STAMBP: variants seen among roughly 807,000 people sequenced by gnomAD.
STAMBP encodes the protein STAM-binding protein.
STAMBP carries 31 observed loss-of-function variants against 50.7 expected under a neutral mutation model. That is an observed-to-expected ratio of 0.61 (90% CI 0.46 to 0.83). The LOEUF (loss-of-function observed/expected upper bound fraction) is 0.83, where lower values mean the gene tolerates loss of function less well. Ranked by LOEUF, STAMBP falls within the 40% of genes least tolerant of loss-of-function variation. The pLI is 0.00. For synonymous variants in STAMBP, 211 were observed against 192.4 expected, an observed-to-expected ratio of 1.10 and a Z score of -0.80; for missense variants, 472 against 518.9, an observed-to-expected ratio of 0.91 and a Z score of 0.88.
At chr2:73,831,763 T>A (rs1488980444) in intron 2 of STAMBP, among the ~76,000 whole-genome samples, 5 of 152,154 alleles carry the variant, frequency 3.3e-5, no homozygotes, top group African/African-American at 1.2e-4. Flanking sequence ...ATGTATTTGG[T>A]TCTGAGTAGC....
chr2:73,836,930 C>T (rs555271418), intron 2 of STAMBP, among the ~76,000 whole-genome samples: 95 of 152,270 alleles, frequency 6.2e-4, no homozygotes, highest in African/African-American at 2.1e-3. Context: ...CTGAGGCATG[C>T]AGAGAAGGGC....
chr2:73,843,104 A>G (rs967957328), intron 2 of STAMBP, among the ~76,000 whole-genome samples: 1 of 152,024 alleles, frequency 6.6e-6, no homozygotes, highest in Non-Finnish European at 1.5e-5. Context: ...TATTTATCTT[A>G]ATAGATTCTT....
At chr2:73,830,658 G>A (rs1037226846) in intron 1 of STAMBP, among the ~76,000 whole-genome samples, 187 bp from the exon 2 acceptor site, 2 of 152,242 alleles carry the variant, frequency 1.3e-5, no homozygotes, top group Non-Finnish European at 1.5e-5. Flanking sequence ...TACTCTCATC[G>A]TTGTGATTTG....
At chr2:73,854,204 A>T (rs956075772) in intron 7 of STAMBP, among the ~76,000 whole-genome samples, 16 of 152,182 alleles carry the variant, frequency 1.1e-4, no homozygotes, top group Admixed American at 1.0e-3. Context: ...ATCCAGAGAG[A>T]TTTTTGAAAT....
chr2:73,830,913 C>T lies in STAMBP; in HGVS notation c.57C>T (p.Ser19=). 1 of 1,614,012 alleles carries T rather than the reference C, an allele frequency of 6.2e-7. No homozygotes were observed. The highest frequency in any genetic ancestry group is 1.7e-4 in the Middle Eastern group (1 of 5,926). The stretch of plus-strand genomic sequence containing the variant: ...CCGAAGACCGGGTGAGGGCTCTCTC[C>T]CAGCTGGGTAGTGCGGTAGAGGTGA... ...LPPEDRVRAL[S]QLGSAVEVNE... Residue 19 remains serine (S), a synonymous_variant, in exon 2 of 10, where the codon TCC becomes TCT. Transcript: ENST00000394070.
downstream of STAMBP, chr2:73,870,053 A>G (rs760430493): frequency 6.6e-6 from 1 of 152,218 alleles, no homozygotes; most frequent in Admixed American, 6.5e-5. Flanking sequence ...TTTTTCCCCC[A>G]TATCCTTTTT....
At chr2:73,831,291 T>G (rs1480185869) in intron 2 of STAMBP, among the ~76,000 whole-genome samples, 3 of 152,266 alleles carry the variant, frequency 2.0e-5, no homozygotes, top group Non-Finnish European at 2.9e-5. Flanking sequence ...TATGCCCACA[T>G]AGCCCAGCTG....
chr2:73,833,773 T>C (rs938143996), intron 2 of STAMBP, among the ~76,000 whole-genome samples: 4 of 152,132 alleles, frequency 2.6e-5, no homozygotes, highest in Non-Finnish European at 5.9e-5. Flanking sequence ...CTGCACTAGG[T>C]CCTGAACAGC....
chr2:73,833,393 A>C (rs550820727), intron 2 of STAMBP, among the ~76,000 whole-genome samples: 12 of 152,158 alleles, frequency 7.9e-5, no homozygotes, highest in African/African-American at 2.7e-4. Flanking sequence ...CAATGTTGTT[A>C]AGGTTTCATA....
chr2:73,841,422 A>T (rs938741476), intron 2 of STAMBP, among the ~76,000 whole-genome samples: 1 of 152,176 alleles, frequency 6.6e-6, no homozygotes, highest in East Asian at 1.9e-4. Context: ...TATGTTCTAG[A>T]TACCGTGTTT....
At position 73,829,320 on chromosome 2, in the gene STAMBP, C is replaced by G. The variant is rs1424845884; in HGVS notation, c.-203C>G. The G allele has an allele frequency of 1.3e-5, 2 of 152,406 alleles. No individual in the cohort carries two copies. Among genetic ancestry groups the G allele is most frequent in the Admixed American group, 1.3e-4 (2 of 15,282 alleles). The allele number at this position is 152,406 out of a possible 1,614,324, so 9.4% of individuals were successfully genotyped here. On this transcript the variant is annotated 5_prime_UTR_variant, in exon 1 of 10. Coordinates refer to ENST00000394070, the MANE Select transcript of STAMBP (RefSeq NM_213622.4). ...ATAGAGCCCTCCCTACTGTATACGC[C>G]CCCTCCGCTCATTCCTGCTACTTCC...
intron 2 of STAMBP, among the ~76,000 whole-genome samples, chr2:73,834,426 G>A (rs751290600): frequency 6.6e-5 from 10 of 150,962 alleles, no homozygotes; most frequent in Non-Finnish European, 5.9e-5. Context: ...GTAAGCTTGA[G>A]AATAGAGAAT....
chr2:73,845,409 C>T, intron 4 of STAMBP, 147 bp downstream of exon 4: 3 of 624,872 alleles, frequency 4.8e-6, no homozygotes, highest in Non-Finnish European at 2.9e-6. Context: ...AAAAGTAGAA[C>T]ACCAGTGGTT....
rs67469518 is a variant in STAMBP, at chr2:73,832,084, CATAT to C, written c.203+1047_203+1050del. 5.7e-4 allele frequency among the ~76,000 whole-genome samples: 67 copies of C among 118,500 alleles called. 4 individuals are homozygous for C. The highest frequency in any genetic ancestry group is 3.7e-3 in the Admixed American group (43 of 11,598). 77.7% of individuals were successfully genotyped at this position (118,500 alleles called of 152,430 possible). ...TTACTACTGATTTTTGAGTAGGTAA[CATAT>C]ATATATATATATATATATATACACA... is the stretch of plus-strand genomic sequence containing the variant. On this transcript the variant is annotated intron_variant, in intron 2 of 9. Coordinates refer to ENST00000394070, the MANE Select transcript of STAMBP (RefSeq NM_213622.4).
Position 73,829,375 on chromosome 2 carries a change from C to G in STAMBP, c.-148C>G, listed in dbSNP as rs1442697957. 6.6e-6 allele frequency: 1 copy of G among 152,570 alleles called. No individual in the cohort carries two copies. The highest frequency in any genetic ancestry group is 1.5e-5 in the Non-Finnish European group (1 of 68,330). The allele number at this position is 152,570 out of a possible 1,614,324, so 9.5% of individuals were successfully genotyped here. A position where few individuals can be genotyped will look rare whatever the true frequency, so the allele number is the denominator to read the frequency against. On this transcript the variant is annotated 5_prime_UTR_variant, in exon 1 of 10. Coordinates refer to ENST00000394070, the MANE Select transcript of STAMBP (RefSeq NM_213622.4). ...TCCTCCTCGTATTTCCCCCTCGGTC[C>G]TTTACGCCGCCTTTCCCCCTCATTT...
At position 73,850,612 on chromosome 2, in the gene STAMBP, T is replaced by C; in HGVS notation, c.1005+99T>C. The C allele has an allele frequency of 1.5e-6, 2 of 1,325,056 alleles. No homozygotes were observed. The highest frequency in any genetic ancestry group is 1.0e-6 in the Non-Finnish European group (1 of 990,608). 82.1% of individuals were successfully genotyped at this position (1,325,056 alleles called of 1,614,324 possible). On this transcript the variant is annotated intron_variant, in intron 7 of 9. Coordinates refer to ENST00000394070, the MANE Select transcript of STAMBP (RefSeq NM_213622.4). This position sits in a 1 kb window ranked among gnomAD's most constrained non-coding sequence, Gnocchi z 4.3. ...TGAACAAAGTCAATTATATCCAGAT[T>C]ATTTATTGTTTTTCTCTCTTTTGGA... is the stretch of plus-strand genomic sequence containing the variant.
intron 5 of STAMBP, among the ~76,000 whole-genome samples, chr2:73,848,924 AG>A (rs1490620102): frequency 6.6e-6 from 1 of 152,174 alleles, no homozygotes; most frequent in East Asian, 1.9e-4. Flanking sequence ...GTGGGTACAT[AG>A]TAGGTGTATG....
chr2:73,863,906 C>T lies in STAMBP; in HGVS notation c.*1647C>T, dbSNP rs1017393849. The T allele has an allele frequency of 2.0e-5, 3 of 152,256 alleles. No individual in the cohort carries two copies. Among genetic ancestry groups the T allele is most frequent in the African/African-American group, 7.2e-5 (3 of 41,464 alleles). 9.4% of individuals were successfully genotyped at this position (152,256 alleles called of 1,614,324 possible). On this transcript the variant is annotated 3_prime_UTR_variant, in exon 10 of 10. Coordinates refer to ENST00000394070, the MANE Select transcript of STAMBP (RefSeq NM_213622.4). ...TGCACACTTTGATCAGGAGAAGCTTCTCACATTCCAGCCATGTTCATGTTT... is the reference window on the plus strand; with the variant it reads ...TGCACACTTTGATCAGGAGAAGCTTTTCACATTCCAGCCATGTTCATGTTT...
chr2:73,855,923 A>C (rs762581204), intron 7 of STAMBP, among the ~76,000 whole-genome samples: 1 of 152,188 alleles, frequency 6.6e-6, no homozygotes, highest in Non-Finnish European at 1.5e-5. Context: ...AACGCTAGTC[A>C]ATTGCATGTC....
Sources: allele counts gnomAD v4.1 joint callset (sites outside exome capture counted in the v4.1 genomes callset), GRCh38; gene constraint gnomAD v4.1.1; non-coding constraint Gnocchi (gnomAD v3.1); transcripts MANE v1.5; gene names NCBI Gene and HGNC (gene_info 2026-07-23, HGNC 2026-07-21).